FPR3: variants seen among roughly 807,000 people sequenced by gnomAD.
FPR3 encodes formyl peptide receptor 3, also known as N-formyl peptide receptor 3.
For missense variants in FPR3, 346 were observed against 443.2 expected, an observed-to-expected ratio of 0.78 and a Z score of 1.97; for synonymous variants, 135 against 163.6, an observed-to-expected ratio of 0.83 and a Z score of 1.34.
rs150803156 is a variant in FPR3 at position 51,802,932 on chromosome 19, A to T, written c.-11+7601A>T. Among the ~76,000 whole-genome samples the T allele has an allele frequency of 3.6e-3, 552 of 152,316 alleles. 3 individuals carry two copies. The highest frequency in any genetic ancestry group is 6.4e-3 in the Non-Finnish European group (434 of 68,018). On this transcript the variant is annotated intron_variant, in intron 1 of 1. Transcript: ENST00000339223. ...CTTCATATGGTTCCTTTCATATAAT[A>T]AGAATGTAAGCTGTCTGAGGGCAGG...
At chr19:51,816,861 A>C (rs559652756) in intron 1 of FPR3, among the ~76,000 whole-genome samples, 1 of 152,336 alleles carries the variant, frequency 6.6e-6, no homozygotes, top group East Asian at 1.9e-4. Context: ...TTTGGAAAAA[A>C]GCCCACACAT....
At chr19:51,812,246 A>G (rs1376397702) in intron 1 of FPR3, among the ~76,000 whole-genome samples, 1 of 152,204 alleles carries the variant, frequency 6.6e-6, no homozygotes, top group Non-Finnish European at 1.5e-5. Context: ...CGTAGGGTGA[A>G]ATAATGGCCT....
chr19:51,805,367 T>C (rs1209555950), intron 1 of FPR3: 1 of 152,216 alleles, frequency 6.6e-6, no homozygotes, highest in Non-Finnish European at 1.5e-5. Context: ...CTTCCTGGAA[T>C]TCAGTCCAGT....
intron 1 of FPR3, among the ~76,000 whole-genome samples, chr19:51,807,414 T>G (rs1599832641): frequency 6.6e-6 from 1 of 152,288 alleles, no homozygotes; most frequent in South Asian, 2.1e-4. Context: ...GATAAACAGT[T>G]TGCTGTTTGA....
intron 1 of FPR3, among the ~76,000 whole-genome samples, chr19:51,798,779 A>G (rs1040878125): frequency 2.6e-5 from 4 of 152,204 alleles, no homozygotes; most frequent in Admixed American, 1.3e-4. Context: ...CATAATTGCT[A>G]TCATTCTTAA....
rs753127261 is a variant in FPR3 at position 51,797,877 on chromosome 19, C to CTTTTTTTTTTTTTTTTTTTT, written c.-11+2550_-11+2569dup. Among the ~76,000 whole-genome samples, 9 of 71,518 alleles carry CTTTTTTTTTTTTTTTTTTTT rather than the reference C, an allele frequency of 1.3e-4. 2 individuals are homozygous for CTTTTTTTTTTTTTTTTTTTT. The highest frequency in any genetic ancestry group is 5.1e-4 in the East Asian group (1 of 1,944). 46.9% of individuals were successfully genotyped at this position (71,518 alleles called of 152,430 possible). On this transcript the variant is annotated intron_variant, in intron 1 of 1. Coordinates refer to ENST00000339223, the MANE Select transcript of FPR3 (RefSeq NM_002030.5). ...ATCCTAGATGATTTCCATGTCTATT[C>CTTTTTTTTTTTTTTTTTTTT]TTTTTTTTTTTTTTTTTTTTTTTGA...
At chr19:51,811,684 G>A (rs889647494) in intron 1 of FPR3, 4 of 152,208 alleles carry the variant, frequency 2.6e-5, no homozygotes, top group African/African-American at 4.8e-5. Flanking sequence ...ACTGAACAAA[G>A]GGGGATGAAC....
intron 1 of FPR3, among the ~76,000 whole-genome samples, chr19:51,798,846 T>C (rs1020629865): frequency 4.6e-5 from 7 of 152,170 alleles, no homozygotes; most frequent in South Asian, 2.1e-4. Context: ...CATAGAAAAT[T>C]GCTGTAGCTT....
chr19:51,824,978 A>G lies in FPR3; in HGVS notation c.*168A>G. ...GGTTTTTCCCACAACCAAGCAATAG[A>G]CACCAGCTGGGTGTCCTACAATTAA... is the stretch of plus-strand genomic sequence containing the variant. On this transcript the variant is annotated 3_prime_UTR_variant, in exon 2 of 2. Coordinates refer to ENST00000339223, the MANE Select transcript of FPR3 (RefSeq NM_002030.5). This position sits in a 1 kb window ranked among gnomAD's most constrained non-coding sequence, Gnocchi z 4.7. 1 of 610,862 alleles carries G rather than the reference A, an allele frequency of 1.6e-6. No homozygotes were observed. The highest frequency in any genetic ancestry group is 2.9e-6 in the Non-Finnish European group (1 of 340,484). The allele number at this position is 610,862 out of a possible 1,614,324, so 37.8% of individuals were successfully genotyped here.
chr19:51,806,268 A>T (rs1030438119), intron 1 of FPR3, among the ~76,000 whole-genome samples: 1 of 152,070 alleles, frequency 6.6e-6, no homozygotes, highest in Non-Finnish European at 1.5e-5. Flanking sequence ...GGTTGCAAGC[A>T]CCTTGAGGGC....
At chr19:51,822,955 C>T (rs1599841697) in intron 1 of FPR3, among the ~76,000 whole-genome samples, 1 of 152,154 alleles carries the variant, frequency 6.6e-6, no homozygotes, top group East Asian at 1.9e-4. Context: ...CTCTGCCTCC[C>T]AGGTTCAAGC....
chr19:51,825,600 G>C lies in FPR3; in HGVS notation c.*790G>C, dbSNP rs1024244218. Reference sequence around the variant, plus strand: ...CAAGGGCTATGGGAGTTCTGAAGCAGAAACCATGGGCTAAAACCAACATAC... The same window carrying C: ...CAAGGGCTATGGGAGTTCTGAAGCACAAACCATGGGCTAAAACCAACATAC... On this transcript the variant is annotated 3_prime_UTR_variant, in exon 2 of 2. Coordinates refer to ENST00000339223, the MANE Select transcript of FPR3 (RefSeq NM_002030.5). 1 of 167,114 alleles carries C rather than the reference G, an allele frequency of 6.0e-6. No individual in the cohort carries two copies. Among genetic ancestry groups the C allele is most frequent in the African/African-American group, 2.4e-5 (1 of 41,448 alleles). 10.4% of individuals were successfully genotyped at this position (167,114 alleles called of 1,614,324 possible). A position where few individuals can be genotyped will look rare whatever the true frequency, so the allele number is the denominator to read the frequency against.
Position 51,824,245 on chromosome 19 carries a change from C to A in FPR3, c.497C>A (p.Thr166Lys). The A allele has an allele frequency of 6.2e-7, 1 of 1,614,168 alleles. No individual in the cohort carries two copies. Among genetic ancestry groups the A allele is most frequent in the South Asian group, 1.1e-5 (1 of 91,084 alleles). ...LTLPNFIFWT[T>K]ISTTNGDTYC... ...TTACCAAATTTCATCTTCTGGACTA[C>A]AATAAGTACTACGAATGGGGACACA... The change falls in exon 2 of 2, where the codon ACA becomes AAA. Residue 166 changes from threonine to lysine, a missense_variant. Transcript: ENST00000339223. This position sits in a 1 kb window ranked among gnomAD's most constrained non-coding sequence, Gnocchi z 4.7.
At chr19:51,823,705 C>G (rs752516033) in intron 1 of FPR3, 34 bp from the exon 2 acceptor site, 2 of 1,478,026 alleles carry the variant, frequency 1.4e-6, no homozygotes, top group South Asian at 2.6e-5. Flanking sequence ...GATGGTGTCA[C>G]AGCTGAGAAA....
At chr19:51,804,981 C>T (rs550359066) in intron 1 of FPR3, 1 of 152,248 alleles carries the variant, frequency 6.6e-6, no homozygotes, top group African/African-American at 2.4e-5. Context: ...TCTAGATGTT[C>T]CAGTAGATAA....
At position 51,823,941 on chromosome 19, in the gene FPR3, C is replaced by A; in HGVS notation, c.193C>A (p.Leu65Met). ...MTRTVNTICY[L>M]NLALADFSFS... The stretch of plus-strand genomic sequence containing the variant: ...ACGCACAGTCAACACCATCTGTTAC[C>A]TGAACCTGGCCCTAGCTGACTTCTC... Residue 65 changes from leucine to methionine, a missense_variant, in exon 2 of 2, where the codon CTG (leucine) becomes ATG (methionine). By Grantham distance (15) the Leu-to-Met change is conservative. Coordinates refer to ENST00000339223, the MANE Select transcript of FPR3 (RefSeq NM_002030.5). The A allele has an allele frequency of 6.2e-7, 1 of 1,614,118 alleles. No individual in the cohort carries two copies. The highest frequency in any genetic ancestry group is 8.5e-7 in the Non-Finnish European group (1 of 1,179,974).
At position 51,822,972 on chromosome 19, in the gene FPR3, C is replaced by T. The variant is rs141331897; in HGVS notation, c.-10-767C>T. ...CTGCCTCCCAGGTTCAAGCAATTCT[C>T]CTGCCTCAGCCTCCTAAGTAGCTGG... On this transcript the variant is annotated intron_variant, in intron 1 of 1. Transcript: ENST00000339223. Among the ~76,000 whole-genome samples the T allele has an allele frequency of 7.6e-3, 1,155 of 152,230 alleles. 16 individuals are homozygous for T. Among genetic ancestry groups the T allele is most frequent in the African/African-American group, 0.026 (1,073 of 41,540 alleles).
At chr19:51,814,962 A>C (rs1320124191) in intron 1 of FPR3, among the ~76,000 whole-genome samples, 1 of 151,500 alleles carries the variant, frequency 6.6e-6, no homozygotes, top group African/African-American at 2.4e-5. Flanking sequence ...GCCGCCTGCC[A>C]CCACGTCTGG....
At chr19:51,802,081 T>A (rs2084029193) in intron 1 of FPR3, among the ~76,000 whole-genome samples, 3 of 152,086 alleles carry the variant, frequency 2.0e-5, no homozygotes, top group Non-Finnish European at 2.9e-5. Context: ...TACGGCCCAA[T>A]AGAAGTTGAA....
Sources: allele counts gnomAD v4.1 joint callset (sites outside exome capture counted in the v4.1 genomes callset), GRCh38; gene constraint gnomAD v4.1.1; non-coding constraint Gnocchi (gnomAD v3.1); transcripts MANE v1.5; gene names NCBI Gene and HGNC (gene_info 2026-07-23, HGNC 2026-07-21).